Variants in GATB observed in about 807,000 individuals in gnomAD.
The protein encoded by GATB is glutamyl-tRNA(Gln) amidotransferase subunit B, mitochondrial.
A neutral mutation model predicts 62.3 loss-of-function variants in GATB; 39 were observed. The observed-to-expected ratio is 0.63, with a 90% CI of 0.48 to 0.82. The LOEUF (loss-of-function observed/expected upper bound fraction) is 0.82, where lower values mean the gene tolerates loss of function less well. GATB is among the 40% of genes least tolerant of loss of function. The pLI, the probability that GATB is intolerant of heterozygous loss-of-function variation, is 0.00. For missense variants in GATB, 670 were observed against 684.0 expected (o/e 0.98, Z 0.23); for synonymous variants, 276 against 258.9 (o/e 1.07, Z -0.63).
chr4:151,760,917 A>T lies in GATB; in HGVS notation c.66T>A (p.Gly22=), dbSNP rs768194726. Residue 22 remains glycine, a synonymous_variant, in exon 1 of 13, where the codon GGT becomes GGA. Transcript: ENST00000263985. ...GAGCCCCTCTTCGGTGGCAAGAACC[A>T]CCGTCAACCCGGGCGAAAGCCCAAC... ...GRRWAFARVD[G]GSCHRRGAPT... is the part of the protein sequence containing the mutation. 2.5e-6 allele frequency: 4 copies of T among 1,613,942 alleles called. 1 individual carries two copies. Among genetic ancestry groups the T allele is most frequent in the Non-Finnish European group, 3.4e-6 (4 of 1,179,958 alleles).
At chr4:151,710,936 C>T (rs892457031) in intron 5 of GATB, among the ~76,000 whole-genome samples, 4 of 152,304 alleles carry the variant, frequency 2.6e-5, no homozygotes, top group Non-Finnish European at 2.9e-5. Context: ...GGAGGTTTCA[C>T]AGGCATCTCA....
intron 9 of GATB, among the ~76,000 whole-genome samples, chr4:151,690,093 G>C (rs997882774): frequency 1.3e-5 from 2 of 152,136 alleles, no homozygotes; most frequent in Non-Finnish European, 2.9e-5. Flanking sequence ...GCTCCTTTCA[G>C]AGACCCTTCA....
At chr4:151,746,565 C>T (rs1739597737) in intron 2 of GATB, among the ~76,000 whole-genome samples, 1 of 152,060 alleles carries the variant, frequency 6.6e-6, no homozygotes, top group African/African-American at 2.4e-5. Context: ...AAGCTGAATC[C>T]CTACTAATAA....
chr4:151,704,455 CTTT>C (rs954774845), intron 7 of GATB, among the ~76,000 whole-genome samples: 2 of 147,288 alleles, frequency 1.4e-5, no homozygotes, highest in Non-Finnish European at 3.0e-5. Flanking sequence ...CAGTACTTTT[CTTT>C]TTTTTTTTTC....
rs1456239342 is a variant in GATB at position 151,730,274 on chromosome 4, C to T, written c.328-10736G>A. On this transcript the variant is annotated intron_variant, in intron 2 of 12. Transcript: ENST00000263985. This position sits in a 1 kb window ranked among gnomAD's most constrained non-coding sequence, Gnocchi z 4.1. ...CATCCACAGCAGCCGCAGCAAGACC[C>T]GCCCAAGGAGAGTCTGAGCTCAGAC... Among the ~76,000 whole-genome samples the T allele has an allele frequency of 6.6e-6, 1 of 152,282 alleles. No individual in the cohort carries two copies. The highest frequency in any genetic ancestry group is 1.5e-5 in the Non-Finnish European group (1 of 68,020).
chr4:151,698,550 T>C (rs1738534618), intron 9 of GATB, among the ~76,000 whole-genome samples: 1 of 152,232 alleles, frequency 6.6e-6, no homozygotes, highest in Non-Finnish European at 1.5e-5. Context: ...TTTGTGCATC[T>C]GCCCTTCTCA....
Position 151,701,442 on chromosome 4 carries a change from G to T in GATB, c.1084C>A (p.Gln362Lys). Residue 362 changes from glutamine (Q) to lysine (K), a missense_variant, in exon 9 of 13, where the codon CAA becomes AAA. Gln to Lys is a moderately conservative substitution (Grantham distance 53). Coordinates refer to ENST00000263985, the MANE Select transcript of GATB (RefSeq NM_004564.3). ...TSLPAGADPQQVINIDQIRET... is the reference protein window; with the variant it reads ...TSLPAGADPQKVINIDQIRET... ...CGAATCTGGTCAATATTGATCACTT[G>T]CTGTGGGTCTGCACCTGCGGGCAGA... 1 of 1,603,806 alleles carries T rather than the reference G, an allele frequency of 6.2e-7. No individual in the cohort carries two copies. Among genetic ancestry groups the T allele is most frequent in the Non-Finnish European group, 8.5e-7 (1 of 1,174,912 alleles).
At chr4:151,750,158 G>A (rs1739690079) in intron 2 of GATB, among the ~76,000 whole-genome samples, 1 of 152,174 alleles carries the variant, frequency 6.6e-6, no homozygotes, top group Non-Finnish European at 1.5e-5. Flanking sequence ...TGGGATTATA[G>A]GCGTGAGCCA....
chr4:151,707,105 G>T (rs1738729453), intron 6 of GATB, among the ~76,000 whole-genome samples: 1 of 152,154 alleles, frequency 6.6e-6, no homozygotes, highest in Non-Finnish European at 1.5e-5. Flanking sequence ...AATATAAAAA[G>T]CAGGAAAACA....
chr4:151,739,612 C>T (rs1739446192), intron 2 of GATB, among the ~76,000 whole-genome samples: 1 of 152,200 alleles, frequency 6.6e-6, no homozygotes, highest in Non-Finnish European at 1.5e-5. Flanking sequence ...AAGAATTCCG[C>T]AAGACTCACC....
In GATB at chr4:151,697,971, A is replaced by G. The variant is rs1166370541; in HGVS notation, c.1197+3358T>C. Among the ~76,000 whole-genome samples the G allele has an allele frequency of 3.7e-3, 329 of 88,940 alleles. 3 individuals are homozygous for G. The highest frequency in any genetic ancestry group is 0.012 in the South Asian group (22 of 1,880). The allele number at this position is 88,940 out of a possible 152,430, so 58.3% of individuals were successfully genotyped here. A position where few individuals can be genotyped will look rare whatever the true frequency, so the allele number is the denominator to read the frequency against. ...TGTGTGTGTATATATATATATATAT[A>G]TATATATATATATATATATATATGA... On this transcript the variant is annotated intron_variant, in intron 9 of 12. Transcript: ENST00000263985.
At chr4:151,697,980 T>TATATATA (rs1229740831) in intron 9 of GATB, among the ~76,000 whole-genome samples, 1 of 137,312 alleles carries the variant, frequency 7.3e-6, no homozygotes, top group Non-Finnish European at 1.5e-5. Context: ...TATATATATA[T>TATATATA]ATATATATAT....
chr4:151,743,891 T>C (rs1353225573), intron 2 of GATB, among the ~76,000 whole-genome samples: 1 of 152,164 alleles, frequency 6.6e-6, no homozygotes, highest in Non-Finnish European at 1.5e-5. Flanking sequence ...AAATAATCAT[T>C]GAGAAGTGAA....
chr4:151,687,623 T>C (rs537394755), intron 10 of GATB, among the ~76,000 whole-genome samples: 5 of 152,168 alleles, frequency 3.3e-5, no homozygotes, highest in South Asian at 4.1e-4. Flanking sequence ...TGAAGCGCGA[T>C]GGTTTTAGGG....
chr4:151,744,250 G>A (rs974312773), intron 2 of GATB, among the ~76,000 whole-genome samples: 69 of 152,166 alleles, frequency 4.5e-4, no homozygotes, highest in African/African-American at 1.6e-3. Flanking sequence ...GTGTGTGTAC[G>A]CACGTGTATG....
chr4:151,760,108 G>GA (rs1312243029), intron 1 of GATB, among the ~76,000 whole-genome samples: 1 of 152,120 alleles, frequency 6.6e-6, no homozygotes, highest in Non-Finnish European at 1.5e-5. Context: ...TCCTCCAACT[G>GA]AAAGTAAAAA....
Position 151,758,948 on chromosome 4 carries a change from G to GATGTATTATATTTGTCACC in GATB, c.177-45_177-27dup, listed in dbSNP as rs572649673. 3.7e-4 allele frequency: 568 copies of GATGTATTATATTTGTCACC among 1,545,626 alleles called. 3 individuals are homozygous for GATGTATTATATTTGTCACC. The Admixed American group carries it at 5.6e-3, about 15-fold the overall frequency. On this transcript the variant is annotated intron_variant, in intron 1 of 12. Transcript: ENST00000263985. ...CTAAGAAGAAAGAGATAATGGTTAA[G>GATGTATTATATTTGTCACC]ATGTATTATATTTGTCACCATGAAT... is the stretch of plus-strand genomic sequence containing the variant.
chr4:151,705,469 G>C (rs1738697385), intron 6 of GATB, among the ~76,000 whole-genome samples, 200 bp from the exon 7 acceptor site: 1 of 152,102 alleles, frequency 6.6e-6, no homozygotes, highest in African/African-American at 2.4e-5. Context: ...AGGGCCTTAG[G>C]AAGGCAGGCT....
At chr4:151,727,419 C>T (rs1450988228) in intron 2 of GATB, among the ~76,000 whole-genome samples, 4 of 152,218 alleles carry the variant, frequency 2.6e-5, no homozygotes, top group East Asian at 1.9e-4. Context: ...CCAACTGCTA[C>T]GGCATACATT....
Sources: gnomAD v4.1 joint callset for allele counts (sites outside exome capture counted in the v4.1 genomes callset) on GRCh38, gnomAD v4.1.1 for gene constraint, Gnocchi (gnomAD v3.1) non-coding constraint, MANE v1.5 for transcripts, NCBI Gene and HGNC (gene_info 2026-07-23, HGNC 2026-07-21) for gene names.